Variants in MOV10L1 observed in about 807,000 individuals in gnomAD.
MOV10L1 encodes RNA helicase Mov10l1.
MOV10L1 carries 110 observed loss-of-function variants against 143.8 expected under a neutral mutation model. The ratio of observed to expected loss-of-function variants is 0.76; its 90% confidence interval spans 0.66 to 0.90. The LOEUF (loss-of-function observed/expected upper bound fraction) is 0.90, where lower values mean the gene tolerates loss of function less well. Among genes scored for constraint, MOV10L1 ranks in the 40% least tolerant of loss-of-function variants. MOV10L1 has a pLI of 0.00. For missense variants in MOV10L1, 1,406 were observed against 1,526.8 expected (o/e 0.92, Z 1.32); for synonymous variants, 593 against 581.1 (o/e 1.02, Z -0.29).
chr22:50,130,194 G>A (rs1352437311), intron 13 of MOV10L1, among the ~76,000 whole-genome samples: 1 of 152,122 alleles, frequency 6.6e-6, no homozygotes, highest in Non-Finnish European at 1.5e-5. Context: ...AGAATTGCTT[G>A]AACCCAGGAG....
intron 3 of MOV10L1, among the ~76,000 whole-genome samples, chr22:50,103,273 C>T (rs1283876411): frequency 6.6e-6 from 1 of 152,192 alleles, no homozygotes; most frequent in Non-Finnish European, 1.5e-5. Flanking sequence ...CTGGCCTGCT[C>T]CTGAGGTTTG....
chr22:50,091,855 C>G (rs1246657906), intron 1 of MOV10L1, 146 bp from the exon 2 acceptor site: 6 of 699,696 alleles, frequency 8.6e-6, no homozygotes, highest in Non-Finnish European at 1.2e-5. Context: ...ATGGGATTCT[C>G]TCTGTCTCAA....
chr22:50,110,468 T>C (rs2061994315), intron 5 of MOV10L1, among the ~76,000 whole-genome samples: 1 of 151,422 alleles, frequency 6.6e-6, no homozygotes, highest in South Asian at 2.1e-4. Context: ...AAAAAGACTG[T>C]CTTTTGGAAG....
At chr22:50,126,027 T>A (rs1224042859) in intron 11 of MOV10L1, among the ~76,000 whole-genome samples, 175 bp from the exon 12 acceptor site, 1 of 151,896 alleles carries the variant, frequency 6.6e-6, no homozygotes, top group African/African-American at 2.4e-5. Context: ...CCCCTGACCT[T>A]GTGATCCGCC....
In MOV10L1 at chr22:50,152,918, C is replaced by T. The variant is rs1197888292; in HGVS notation, c.2893-127C>T. The T allele has an allele frequency of 3.2e-6, 3 of 925,766 alleles. No homozygotes were observed. Among genetic ancestry groups the T allele is most frequent in the Non-Finnish European group, 4.9e-6 (3 of 607,922 alleles). 57.3% of individuals were successfully genotyped at this position (925,766 alleles called of 1,614,324 possible). On this transcript the variant is annotated intron_variant, in intron 21 of 26. Transcript: ENST00000262794. The surrounding 1 kb of genome is among the most constrained non-coding windows in gnomAD (Gnocchi z 4.4). ...TCTGGGGGCAGGCGACACACAGGGG[C>T]GCAGGAGCAGAGTCAGGCTTGGAAG...
chr22:50,108,111 A>C, intron 3 of MOV10L1, 25 bp from the exon 4 acceptor site: 2 of 1,606,584 alleles, frequency 1.2e-6, no homozygotes, highest in South Asian at 2.2e-5. Flanking sequence ...TAACACTACC[A>C]TGGCTTTTTT....
chr22:50,137,683 C>T (rs958618732), intron 15 of MOV10L1, among the ~76,000 whole-genome samples: 5 of 150,378 alleles, frequency 3.3e-5, no homozygotes, highest in South Asian at 2.1e-4. Context: ...CCAGCCTGGG[C>T]GACAGAGCAA....
chr22:50,161,340 T>C (rs2063555028), intron 26 of MOV10L1, 28 bp from the exon 27 acceptor site: 4 of 1,531,390 alleles, frequency 2.6e-6, no homozygotes, highest in East Asian at 2.4e-5. Context: ...CCTGGCTCAC[T>C]GGCCATCCGC....
rs2062464497 is a variant in MOV10L1 at position 50,092,201 on chromosome 22, A to G, written c.282+16A>G. On this transcript the variant is annotated intron_variant, in intron 2 of 26. Transcript: ENST00000262794. ...AGCAATCAGGGTAAGGTTTGAGTTC[A>G]TTTGGGAACAGTTTTTCTTCGCCAC... is the stretch of plus-strand genomic sequence containing the variant. 2 of 1,604,462 alleles carry G rather than the reference A, an allele frequency of 1.2e-6. No homozygotes were observed. The highest frequency in any genetic ancestry group is 1.3e-5 in the African/African-American group (1 of 74,620).
At chr22:50,155,206 C>G (rs957129127) in intron 22 of MOV10L1, among the ~76,000 whole-genome samples, 1 of 151,164 alleles carries the variant, frequency 6.6e-6, no homozygotes, top group African/African-American at 2.4e-5. Flanking sequence ...ACAACAACAG[C>G]AAAATTAATT....
chr22:50,153,104 G>T lies in MOV10L1; in HGVS notation c.2952G>T (p.Arg984=). ...SHEALLMLPS[R]LFYHRELEVC... The stretch of plus-strand genomic sequence containing the variant: ...AGGCCCTGCTGATGCTGCCCTCACG[G>T]CTGTTCTACCACAGGGAACTCGAGG... The change falls in exon 22 of 27, where the codon CGG becomes CGT. Residue 984 remains arginine (R), a synonymous_variant. Transcript: ENST00000262794. 1 of 1,613,622 alleles carries T rather than the reference G, an allele frequency of 6.2e-7. No individual in the cohort carries two copies. Among genetic ancestry groups the T allele is most frequent in the Non-Finnish European group, 8.5e-7 (1 of 1,179,526 alleles).
At chr22:50,124,205 T>C (rs1173024918) in intron 10 of MOV10L1, among the ~76,000 whole-genome samples, 1 of 152,200 alleles carries the variant, frequency 6.6e-6, no homozygotes, top group East Asian at 1.9e-4. Context: ...TCTAATTCCT[T>C]GCAGTGCTCA....
chr22:50,101,717 G>T (rs886592897), intron 3 of MOV10L1, among the ~76,000 whole-genome samples: 1 of 151,806 alleles, frequency 6.6e-6, no homozygotes, highest in East Asian at 1.9e-4. Flanking sequence ...TCGCCATGTT[G>T]GTCAGGCTGG....
chr22:50,091,837 ACT>A (rs1248617803), intron 1 of MOV10L1, among the ~76,000 whole-genome samples, 162 bp from the exon 2 acceptor site: 1 of 151,858 alleles, frequency 6.6e-6, no homozygotes, highest in Non-Finnish European at 1.5e-5. Flanking sequence ...CAGACACAGC[ACT>A]CTCTGATGGG....
At chr22:50,115,768 T>G (rs895479391) in intron 8 of MOV10L1, among the ~76,000 whole-genome samples, 6 of 152,182 alleles carry the variant, frequency 3.9e-5, no homozygotes, top group African/African-American at 1.4e-4. Flanking sequence ...GTGCTTCTGC[T>G]GTTCTGAGAC....
chr22:50,160,245 TTTTC>T (rs894112017), intron 24 of MOV10L1, among the ~76,000 whole-genome samples: 4 of 147,642 alleles, frequency 2.7e-5, no homozygotes, highest in Admixed American at 6.7e-5. Context: ...CTGTTTCTTT[TTTTC>T]TTTCTTTTTT....
chr22:50,090,427 C>T (rs1441991764), intron 1 of MOV10L1: 3 of 1,592,528 alleles, frequency 1.9e-6, no homozygotes, highest in Non-Finnish European at 1.7e-6. Context: ...CCCCTCTTCC[C>T]GCCCTCACTT....
rs542387944 is a variant in MOV10L1, at chr22:50,132,873, A to G, written c.1911-1134A>G. Among the ~76,000 whole-genome samples, 12 of 152,162 alleles carry G rather than the reference A, an allele frequency of 7.9e-5. No individual in the cohort carries two copies. The South Asian group carries it at 1.9e-3, about 24-fold the overall frequency. ...CACATGGGGAAACCCCATCTCTACT[A>G]AAAATACAAATAATCAGCCGGGCGT... is the stretch of plus-strand genomic sequence containing the variant. On this transcript the variant is annotated intron_variant, in intron 13 of 26. Coordinates refer to ENST00000262794, the MANE Select transcript of MOV10L1 (RefSeq NM_018995.3).
At chr22:50,108,478 G>A in intron 4 of MOV10L1, 179 bp from the exon 5 acceptor site, 1 of 762,168 alleles carries the variant, frequency 1.3e-6, no homozygotes, top group East Asian at 2.7e-5. Context: ...ATGCAACAGT[G>A]CTAAAATGTT....
Sources: gnomAD v4.1 joint callset for allele counts (sites outside exome capture counted in the v4.1 genomes callset) on GRCh38, gnomAD v4.1.1 for gene constraint, Gnocchi (gnomAD v3.1) non-coding constraint, MANE v1.5 for transcripts, NCBI Gene and HGNC (gene_info 2026-07-23, HGNC 2026-07-21) for gene names.